The following CTNNA2 variants were observed in gnomAD, a reference collection of about 807,000 sequenced individuals.
CTNNA2 encodes catenin alpha-2.
CTNNA2 carries 42 observed loss-of-function variants against 101.0 expected under a neutral mutation model. The ratio of observed to expected loss-of-function variants is 0.42; its 90% CI spans 0.32 to 0.54. The LOEUF (loss-of-function observed/expected upper bound fraction) is 0.54, where lower values mean the gene tolerates loss of function less well. CTNNA2 is among the 20% of genes least tolerant of loss of function. The pLI is 0.14. For synonymous variants in CTNNA2, 450 were observed against 456.4 expected (o/e 0.99, Z 0.18); for missense variants, 871 against 1,223.1 (o/e 0.71, Z 4.29).
rs969551675 is a variant in CTNNA2 at position 80,006,369 on chromosome 2, A to G, written c.1056+96572A>G. On this transcript the variant is annotated intron_variant, in intron 7 of 18. Transcript: ENST00000402739. ...CTATGAGAAGTGCAGTAAAAAAAAA[A>G]AAAAAGAAAAAACAAAAACTGAAGC... Among the ~76,000 whole-genome samples, 4 of 151,690 alleles carry G rather than the reference A, an allele frequency of 2.6e-5. No individual in the cohort carries two copies. In the South Asian group the frequency reaches 8.4e-4, roughly 32 times the overall value.
At chr2:79,484,477 C>A (rs1280633225) in intron 4 of CTNNA2, among the ~76,000 whole-genome samples, 1 of 152,146 alleles carries the variant, frequency 6.6e-6, no homozygotes, top group East Asian at 1.9e-4. Context: ...CTAAATGCAG[C>A]TAGAAGCAAT....
intron 14 of CTNNA2, among the ~76,000 whole-genome samples, chr2:80,582,318 C>A (rs1158158797): frequency 2.0e-5 from 3 of 152,128 alleles, no homozygotes; most frequent in African/African-American, 7.2e-5. Context: ...GAAATTGGTT[C>A]AAGGCCATTA....
At chr2:79,921,877 C>A (rs35651301) in intron 7 of CTNNA2, among the ~76,000 whole-genome samples, 16,667 of 152,174 alleles carry the variant, frequency 0.11, 990 homozygotes, top group Non-Finnish European at 0.13. Context: ...ACTGCTCCTG[C>A]AATTCTTATA....
intron 7 of CTNNA2, among the ~76,000 whole-genome samples, chr2:79,998,233 G>T (rs187031813): frequency 6.6e-6 from 1 of 152,158 alleles, no homozygotes; most frequent in African/African-American, 2.4e-5. Flanking sequence ...TCATTTCGTT[G>T]AAACTATTTA....
chr2:80,222,371 G>A (rs1361239586), intron 7 of CTNNA2, among the ~76,000 whole-genome samples: 1 of 151,764 alleles, frequency 6.6e-6, no homozygotes, highest in East Asian at 1.9e-4. Context: ...GCATAGTTTT[G>A]TTAATATTTA....
intron 4 of CTNNA2, among the ~76,000 whole-genome samples, chr2:79,422,836 G>T (rs537823212): frequency 6.6e-6 from 1 of 152,146 alleles, no homozygotes; most frequent in Non-Finnish European, 1.5e-5. Flanking sequence ...AGATAAATCC[G>T]CAGAATTTAA....
chr2:80,049,801 G>A (rs1696753638), intron 7 of CTNNA2, among the ~76,000 whole-genome samples: 2 of 152,294 alleles, frequency 1.3e-5, no homozygotes, highest in South Asian at 4.1e-4. Context: ...GTGTTCCAGA[G>A]TTTAATGAAA....
intron 2 of CTNNA2, among the ~76,000 whole-genome samples, chr2:79,713,193 G>C (rs6547265): frequency 0.16 from 23,722 of 152,218 alleles, 2,833 homozygotes; most frequent in African/African-American, 0.34. Context: ...TGTTGGGTCA[G>C]ATTCTTGGTT....
At chr2:79,508,983 ATATATATAT>A (rs1671474883), upstream of CTNNA2, among the ~76,000 whole-genome samples, 1 of 41,732 alleles carries the variant, frequency 2.4e-5, no homozygotes, top group African/African-American at 9.5e-5. Flanking sequence ...ATATATATAT[ATATATATAT>A]ATATATATAT....
intron 18 of CTNNA2, among the ~76,000 whole-genome samples, chr2:80,636,840 T>C (rs1314684590): frequency 6.6e-6 from 1 of 152,198 alleles, no homozygotes; most frequent in East Asian, 1.9e-4. Context: ...TGTTCTTAGA[T>C]ATTTTAGGTG....
Position 80,647,743 on chromosome 2 carries a change from A to G in CTNNA2, c.2733A>G (p.Pro911=), listed in dbSNP as rs1252475552. The change falls in exon 19 of 19, where the codon CCA becomes CCG. Residue 911 remains proline (P), a synonymous_variant. Coordinates refer to ENST00000402739, the MANE Select transcript of CTNNA2 (RefSeq NM_001282597.3). ...SPVVSWKMKA[P]EKKPLVKREK... The stretch of plus-strand genomic sequence containing the variant: ...TTGTGTCTTGGAAGATGAAGGCTCC[A>G]GAGAAGAAGCCCCTTGTGAAGAGAG... 1 of 1,613,612 alleles carries G rather than the reference A, an allele frequency of 6.2e-7. No individual in the cohort carries two copies. The highest frequency in any genetic ancestry group is 8.5e-7 in the Non-Finnish European group (1 of 1,179,620).
At chr2:80,615,181 A>G (rs959595458) in intron 17 of CTNNA2, among the ~76,000 whole-genome samples, 2 of 151,698 alleles carry the variant, frequency 1.3e-5, no homozygotes, top group African/African-American at 4.8e-5. Context: ...GGTTAAAAAT[A>G]AGATAGAATC....
intron 3 of CTNNA2, among the ~76,000 whole-genome samples, chr2:79,327,453 C>A (rs944158116): frequency 6.6e-6 from 1 of 152,138 alleles, no homozygotes; most frequent in African/African-American, 2.4e-5. Flanking sequence ...GAATACTGGT[C>A]TTCATTCTCC....
At chr2:79,844,979 T>TACACACACACACACAC (rs59885288) in intron 3 of CTNNA2, among the ~76,000 whole-genome samples, 6,208 of 140,108 alleles carry the variant, frequency 0.044, 199 homozygotes, top group Non-Finnish European at 0.049. Context: ...GAAAACAAAC[T>TACACACACACACACAC]ACACACACAC....
rs191253010 is a variant in CTNNA2 at position 79,411,235 on chromosome 2, T to A, written c.-135+37222T>A. Among the ~76,000 whole-genome samples, 76 of 152,148 alleles carry A rather than the reference T, an allele frequency of 5.0e-4. 1 individual carries two copies. In the East Asian group the frequency reaches 0.014, roughly 29 times the overall value. On this transcript the variant is annotated intron_variant, in intron 4 of 21. Transcript: ENST00000466387. ...GCTAGCGGTCTATCAATTTTGATGA[T>A]CCTTTCAAAAAACCAGCTCCTGGAT...
intron 15 of CTNNA2, among the ~76,000 whole-genome samples, chr2:80,599,824 G>A (rs1329642095): frequency 6.6e-6 from 1 of 151,712 alleles, no homozygotes; most frequent in Non-Finnish European, 1.5e-5. Context: ...TGCACAATGT[G>A]CCGATTAGTT....
Position 79,973,274 on chromosome 2 carries a change from A to G in CTNNA2, c.1056+63477A>G, listed in dbSNP as rs137885062. Among the ~76,000 whole-genome samples, 251 of 152,260 alleles carry G rather than the reference A, an allele frequency of 1.6e-3. 3 individuals are homozygous for G. Among genetic ancestry groups the G allele is most frequent in the African/African-American group, 5.8e-3 (239 of 41,554 alleles). On this transcript the variant is annotated intron_variant, in intron 7 of 18. Coordinates refer to ENST00000402739, the MANE Select transcript of CTNNA2 (RefSeq NM_001282597.3). ...ATGTTAGCACGTTTTTCATGCTGCA[A>G]GTACAAAGCAGGGTAGGCATGCAGG...
At chr2:79,838,055 A>G (rs1679526609) in intron 3 of CTNNA2, among the ~76,000 whole-genome samples, 1 of 152,272 alleles carries the variant, frequency 6.6e-6, no homozygotes, top group South Asian at 2.1e-4. Flanking sequence ...GCTGTCCAGA[A>G]CAGTGATAAA....
At chr2:79,931,680 A>C (rs374795607) in intron 7 of CTNNA2, among the ~76,000 whole-genome samples, 48 of 152,266 alleles carry the variant, frequency 3.2e-4, no homozygotes, top group South Asian at 2.5e-3. Context: ...TGTTTTTTTA[A>C]CTACTTTTCA....
Sources: allele counts gnomAD v4.1 joint callset (sites outside exome capture counted in the v4.1 genomes callset), GRCh38; gene constraint gnomAD v4.1.1; transcripts MANE v1.5; gene names NCBI Gene and HGNC (gene_info 2026-07-23, HGNC 2026-07-21).